Variants in SEPTIN9 observed in about 807,000 individuals in gnomAD.
SEPTIN9 encodes the protein septin 9.
SEPTIN9 carries 13 observed loss-of-function variants against 56.6 expected under a neutral mutation model. The ratio of observed to expected loss-of-function variants is 0.23; its 90% CI spans 0.15 to 0.37. The LOEUF (loss-of-function observed/expected upper bound fraction) is 0.37, where lower values mean the gene tolerates loss of function less well. Ranked by LOEUF, SEPTIN9 falls within the 10% of genes least tolerant of loss-of-function variation. The pLI is 1.00. For missense variants in SEPTIN9, 650 were observed against 823.1 expected, an observed-to-expected ratio of 0.79 and a Z score of 2.57; for synonymous variants, 332 against 334.1, an observed-to-expected ratio of 0.99 and a Z score of 0.07.
chr17:77,403,758 T>G (rs565193442), intron 3 of SEPTIN9, among the ~76,000 whole-genome samples: 1 of 152,336 alleles, frequency 6.6e-6, no homozygotes, highest in South Asian at 2.1e-4. Flanking sequence ...TGCTTCTTAT[T>G]TCTAACCGTG....
At chr17:77,411,980 A>C (rs1316502701) in intron 3 of SEPTIN9, among the ~76,000 whole-genome samples, 1 of 151,918 alleles carries the variant, frequency 6.6e-6, no homozygotes, top group Non-Finnish European at 1.5e-5. Context: ...AAATACAAAA[A>C]TTAGCTGGGC....
At chr17:77,432,310 CAT>C (rs763119994) in intron 3 of SEPTIN9, among the ~76,000 whole-genome samples, 2 of 152,234 alleles carry the variant, frequency 1.3e-5, no homozygotes, top group African/African-American at 2.4e-5. Context: ...CAGGAGCCCA[CAT>C]GTCAGTGCTG....
chr17:77,300,471 G>A (rs2031990222), intron 1 of SEPTIN9, among the ~76,000 whole-genome samples: 1 of 152,160 alleles, frequency 6.6e-6, no homozygotes, highest in African/African-American at 2.4e-5. Context: ...ACAACTCCAG[G>A]TAGCAGAGGC....
intron 3 of SEPTIN9, chr17:77,404,998 C>A: frequency 1.5e-6 from 2 of 1,294,352 alleles, no homozygotes; most frequent in Non-Finnish European, 2.1e-6. Context: ...GTGCCGGATA[C>A]ACCCCCATCC....
intron 2 of SEPTIN9, among the ~76,000 whole-genome samples, chr17:77,348,327 C>T (rs1210134998): frequency 9.0e-6 from 1 of 110,548 alleles, no homozygotes; most frequent in Non-Finnish European, 1.7e-5. Context: ...AAGACAGAGT[C>T]TCACTCTGTT....
At chr17:77,372,340 G>C (rs531618070) in intron 2 of SEPTIN9, among the ~76,000 whole-genome samples, 2 of 152,182 alleles carry the variant, frequency 1.3e-5, no homozygotes, top group African/African-American at 4.8e-5. Flanking sequence ...CTCAAGTTCT[G>C]TGTCTAACCC....
At position 77,434,356 on chromosome 17, in the gene SEPTIN9, C is replaced by G. The variant is rs528937328; in HGVS notation, c.721+31653C>G. ...CTGAGAGTTGGTAGGGTGGCCTGCCCGGCGTCCGCACAGGGTCTGCTGGTG... is the reference window on the plus strand; with the variant it reads ...CTGAGAGTTGGTAGGGTGGCCTGCCGGGCGTCCGCACAGGGTCTGCTGGTG... On this transcript the variant is annotated intron_variant, in intron 3 of 11. Coordinates refer to ENST00000427177, the MANE Select transcript of SEPTIN9 (RefSeq NM_001113491.2). This position sits in a 1 kb window ranked among gnomAD's most constrained non-coding sequence, Gnocchi z 5.0. 6.6e-6 allele frequency among the ~76,000 whole-genome samples: 1 copy of G among 152,192 alleles called. No individual in the cohort carries two copies. Among genetic ancestry groups the G allele is most frequent in the Non-Finnish European group, 1.5e-5 (1 of 68,034 alleles).
Position 77,434,151 on chromosome 17 carries a change from G to A in SEPTIN9, c.721+31448G>A, listed in dbSNP as rs746921348. 1.8e-4 allele frequency among the ~76,000 whole-genome samples: 28 copies of A among 152,208 alleles called. No homozygotes were observed. The highest frequency in any genetic ancestry group is 3.4e-4 in the Non-Finnish European group (23 of 68,010). On this transcript the variant is annotated intron_variant, in intron 3 of 11. Coordinates refer to ENST00000427177, the MANE Select transcript of SEPTIN9 (RefSeq NM_001113491.2). This position sits in a 1 kb window ranked among gnomAD's most constrained non-coding sequence, Gnocchi z 5.0. ...AGGAGGCCCTTGGTGGGAGAGGCAG[G>A]GCCCCTTCCCCTTTAATCTGGGCAA... is the stretch of plus-strand genomic sequence containing the variant.
intron 10 of SEPTIN9, among the ~76,000 whole-genome samples, chr17:77,494,279 C>T (rs1023089364): frequency 2.0e-5 from 3 of 152,272 alleles, no homozygotes; most frequent in Admixed American, 6.5e-5. Flanking sequence ...GTTCAACCCA[C>T]TCCTGGCGGT....
At chr17:77,395,347 G>A (rs2035671699) in intron 2 of SEPTIN9, among the ~76,000 whole-genome samples, 1 of 152,214 alleles carries the variant, frequency 6.6e-6, no homozygotes, top group East Asian at 1.9e-4. Context: ...CTAACACGGT[G>A]AAATCGTGTC....
chr17:77,478,078 A>G (rs1440320001), intron 3 of SEPTIN9, among the ~76,000 whole-genome samples: 1 of 151,994 alleles, frequency 6.6e-6, no homozygotes, highest in Non-Finnish European at 1.5e-5. Flanking sequence ...GGGTTGCCAA[A>G]TTCAGTGAGG....
At position 77,367,797 on chromosome 17, in the gene SEPTIN9, C is replaced by CA. The variant is rs1291595038; in HGVS notation, c.77-34261dup. Among the ~76,000 whole-genome samples the CA allele has an allele frequency of 1.3e-5, 2 of 152,104 alleles. No individual in the cohort carries two copies. The highest frequency in any genetic ancestry group is 2.9e-5 in the Non-Finnish European group (2 of 68,028). On this transcript the variant is annotated intron_variant, in intron 2 of 11. Coordinates refer to ENST00000427177, the MANE Select transcript of SEPTIN9 (RefSeq NM_001113491.2). The surrounding 1 kb of genome is among the most constrained non-coding windows in gnomAD (Gnocchi z 4.5). Reference sequence around the variant, plus strand: ...CGCCACTACACTACAGCCCGGGCGACAGAGTGAGACTGTCTAAAATAATAA... The same window carrying CA: ...CGCCACTACACTACAGCCCGGGCGACAAGAGTGAGACTGTCTAAAATAATAA...
chr17:77,399,295 C>A (rs1598311105), intron 2 of SEPTIN9, among the ~76,000 whole-genome samples: 1 of 152,330 alleles, frequency 6.6e-6, no homozygotes, highest in South Asian at 2.1e-4. Flanking sequence ...CAGGGAAGGT[C>A]ATTTGTTTTC....
At chr17:77,359,715 G>A (rs1457061210) in intron 2 of SEPTIN9, among the ~76,000 whole-genome samples, 8 of 152,140 alleles carry the variant, frequency 5.3e-5, no homozygotes, top group African/African-American at 1.9e-4. Context: ...AGGATCGCTT[G>A]GGCCTAGGAG....
chr17:77,328,036 T>C (rs1445275366), intron 2 of SEPTIN9, among the ~76,000 whole-genome samples: 1 of 149,852 alleles, frequency 6.7e-6, no homozygotes. Context: ...ATCCAGGGCA[T>C]CCCCATGCCC....
At chr17:77,490,967 A>C in intron 8 of SEPTIN9, 108 bp downstream of exon 8, 1 of 861,168 alleles carries the variant, frequency 1.2e-6, no homozygotes, top group Non-Finnish European at 1.9e-6. Flanking sequence ...GGGAGACCGA[A>C]CCGCTGGTCA....
chr17:77,394,595 T>A (rs1315202291), intron 2 of SEPTIN9, among the ~76,000 whole-genome samples: 1 of 151,968 alleles, frequency 6.6e-6, no homozygotes, highest in African/African-American at 2.4e-5. Context: ...GAGCTGCGCA[T>A]GAGATTATTC....
At position 77,445,626 on chromosome 17, in the gene SEPTIN9, G is replaced by A. The variant is rs141492616; in HGVS notation, c.722-36518G>A. The A allele has an allele frequency of 2.8e-5, 10 of 363,578 alleles. No homozygotes were observed. The highest frequency in any genetic ancestry group is 1.5e-4 in the African/African-American group (7 of 46,730). The allele number at this position is 363,578 out of a possible 1,614,324, so 22.5% of individuals were successfully genotyped here. ...GTGTTGCTGTGTGTTTCAGCAGCAC[G>A]TGGGTGTCACCACACTTCCTAGCAG... On this transcript the variant is annotated intron_variant, in intron 3 of 11. Transcript: ENST00000427177. This position sits in a 1 kb window ranked among gnomAD's most constrained non-coding sequence, Gnocchi z 4.7.
At position 77,484,838 on chromosome 17, in the gene SEPTIN9, G is replaced by A. The variant is rs111164234; in HGVS notation, c.913+2503G>A. On this transcript the variant is annotated intron_variant, in intron 4 of 11. Coordinates refer to ENST00000427177, the MANE Select transcript of SEPTIN9 (RefSeq NM_001113491.2). Reference sequence around the variant, plus strand: ...GATTGTGATGGTGGTGGCGATGGTGGTTGTGATGGTGGTGATGTGGGTGGT... The same window carrying A: ...GATTGTGATGGTGGTGGCGATGGTGATTGTGATGGTGGTGATGTGGGTGGT... Among the ~76,000 whole-genome samples the A allele has an allele frequency of 9.7e-4, 84 of 86,612 alleles. 1 individual carries two copies. The highest frequency in any genetic ancestry group is 9.6e-3 in the Middle Eastern group (1 of 104). The allele number at this position is 86,612 out of a possible 152,430, so 56.8% of individuals were successfully genotyped here.
Sources: allele counts gnomAD v4.1 joint callset (sites outside exome capture counted in the v4.1 genomes callset), GRCh38; gene constraint gnomAD v4.1.1; non-coding constraint Gnocchi (gnomAD v3.1); transcripts MANE v1.5; gene names NCBI Gene and HGNC (gene_info 2026-07-23, HGNC 2026-07-21).